MAF: variants seen among roughly 807,000 people sequenced by gnomAD.
The protein encoded by MAF is transcription factor Maf.
A neutral mutation model predicts 22.0 loss-of-function variants in MAF; 10 were observed. The observed-to-expected ratio is 0.45, with a 90% CI of 0.28 to 0.77. MAF has a LOEUF of 0.77. MAF is among the 30% of genes least tolerant of loss of function. The pLI is 0.12. For missense variants in MAF, 544 were observed against 548.4 expected (o/e 0.99, Z 0.08); for synonymous variants, 337 against 255.8 (o/e 1.32, Z -3.03).
chr16:79,422,873 C>G, the MAF span, among the ~76,000 whole-genome samples: 20 of 152,224 alleles, frequency 1.3e-4, no homozygotes, highest in Admixed American at 9.8e-4. Flanking sequence ...GAGGTAAGGT[C>G]TCTGCTGTCA....
the MAF span, among the ~76,000 whole-genome samples, chr16:79,351,220 G>A: frequency 2.0e-5 from 3 of 152,200 alleles, no homozygotes; most frequent in South Asian, 2.1e-4. Flanking sequence ...GGACTGCAAA[G>A]CTAAACAGTG....
the MAF span, among the ~76,000 whole-genome samples, chr16:79,385,179 G>A: frequency 1.3e-5 from 2 of 152,278 alleles, no homozygotes; most frequent in Non-Finnish European, 2.9e-5. Flanking sequence ...CAAGTCACCT[G>A]TTCATAAAAA....
At chr16:79,301,593 T>A in the MAF span, among the ~76,000 whole-genome samples, 1 of 131,876 alleles carries the variant, frequency 7.6e-6, no homozygotes, top group East Asian at 2.3e-4. Context: ...TACATTTAAA[T>A]GCATTTATTC....
the MAF span, among the ~76,000 whole-genome samples, chr16:79,297,405 C>T: frequency 6.6e-6 from 1 of 152,108 alleles, no homozygotes; most frequent in African/African-American, 2.4e-5. Context: ...GCTATGAAAA[C>T]AGGGATGGAT....
chr16:79,507,881 T>C, the MAF span, among the ~76,000 whole-genome samples: 1 of 152,172 alleles, frequency 6.6e-6, no homozygotes, highest in Non-Finnish European at 1.5e-5. Context: ...ATTATAAAAA[T>C]ATATAAAATA....
downstream of MAF, among the ~76,000 whole-genome samples, chr16:79,591,456 A>G (rs1913186387): frequency 6.6e-6 from 1 of 152,350 alleles, no homozygotes; most frequent in African/African-American, 2.4e-5. Context: ...GTGATTTTGC[A>G]ATCCACAGTT....
the MAF span, among the ~76,000 whole-genome samples, chr16:79,570,008 GTT>G: frequency 9.3e-6 from 1 of 107,390 alleles, no homozygotes; most frequent in South Asian, 3.2e-4. Flanking sequence ...TCCTGTCTTT[GTT>G]CTTTTTTTTT....
chr16:79,261,334 C>T, the MAF span, among the ~76,000 whole-genome samples: 1 of 129,750 alleles, frequency 7.7e-6, no homozygotes, highest in African/African-American at 2.7e-5. Flanking sequence ...TGTAGTTTTA[C>T]TAGAGACCGG....
chr16:79,226,933 C>T, the MAF span, among the ~76,000 whole-genome samples: 1 of 151,854 alleles, frequency 6.6e-6, no homozygotes, highest in African/African-American at 2.4e-5. Context: ...GACATACTGA[C>T]AGAAATGGAA....
the MAF span, among the ~76,000 whole-genome samples, chr16:79,250,656 G>A: frequency 2.0e-5 from 3 of 152,238 alleles, no homozygotes; most frequent in South Asian, 6.2e-4. Context: ...CAGGTCTGAG[G>A]CTCCTGAACA....
At chr16:79,421,689 T>C in the MAF span, among the ~76,000 whole-genome samples, 2 of 149,980 alleles carry the variant, frequency 1.3e-5, no homozygotes, top group African/African-American at 2.5e-5. Context: ...CAGGCTGGAG[T>C]GCAATGGCAC....
chr16:79,265,747 T>C, the MAF span, among the ~76,000 whole-genome samples: 46 of 152,254 alleles, frequency 3.0e-4, no homozygotes, highest in Admixed American at 6.5e-5. Context: ...TCCAGAACTT[T>C]CACCTTTTCC....
the MAF span, among the ~76,000 whole-genome samples, chr16:79,552,236 C>T: frequency 2.0e-5 from 3 of 150,790 alleles, no homozygotes; most frequent in Non-Finnish European, 3.0e-5. Context: ...TTTTTTCAGT[C>T]AGTGTCTTGC....
downstream of MAF, among the ~76,000 whole-genome samples, chr16:79,590,220 T>TG (rs942058903): frequency 4.2e-5 from 6 of 144,024 alleles, no homozygotes; most frequent in Admixed American, 6.8e-5. Flanking sequence ...GGGGGGATGA[T>TG]GGGGGGGCAT....
the MAF span, among the ~76,000 whole-genome samples, chr16:79,562,953 G>A: frequency 6.6e-6 from 1 of 152,060 alleles, no homozygotes; most frequent in African/African-American, 2.4e-5. Flanking sequence ...AATCCTTCAG[G>A]CCTCAATTTC....
the MAF span, among the ~76,000 whole-genome samples, chr16:79,359,291 G>A: frequency 6.6e-6 from 1 of 152,202 alleles, no homozygotes; most frequent in South Asian, 2.1e-4. Flanking sequence ...GTCTCAGGAA[G>A]TGATGGTGAT....
the MAF span, chr16:79,211,545 A>T: frequency 2.5e-6 from 4 of 1,609,178 alleles, no homozygotes; most frequent in Non-Finnish European, 3.4e-6. Flanking sequence ...GGCAGTCGAA[A>T]TGACGCCATC....
the MAF span, among the ~76,000 whole-genome samples, chr16:79,305,613 A>G: frequency 6.6e-6 from 1 of 152,186 alleles, no homozygotes; most frequent in Non-Finnish European, 1.5e-5. Context: ...CTCCTGGTGC[A>G]CCAGAGAGAT....
the MAF span, among the ~76,000 whole-genome samples, chr16:79,322,018 G>T: frequency 6.6e-6 from 1 of 152,128 alleles, no homozygotes; most frequent in African/African-American, 2.4e-5. Context: ...GATCACCTGA[G>T]GTCAGAGGTT....
Sources: gnomAD v4.1 joint callset for allele counts (sites outside exome capture counted in the v4.1 genomes callset) on GRCh38, gnomAD v4.1.1 for gene constraint, MANE v1.5 for transcripts, NCBI Gene and HGNC (gene_info 2026-07-23, HGNC 2026-07-21) for gene names.